NAAA: variants seen among roughly 807,000 people sequenced by gnomAD.
NAAA encodes the protein N-acylethanolamine acid amidase, also known as N-acylethanolamine-hydrolyzing acid amidase.
NAAA carries 39 observed loss-of-function variants against 44.8 expected under a neutral mutation model. That is an observed-to-expected ratio of 0.87 (90% CI 0.67 to 1.14). NAAA has a LOEUF of 1.14. Ranked by LOEUF, NAAA falls within the 50% of genes most tolerant of loss-of-function variation. The pLI, the probability that NAAA is intolerant of heterozygous loss-of-function variation, is 0.00. For synonymous variants in NAAA, 178 were observed against 191.3 expected (o/e 0.93, Z 0.58); for missense variants, 460 against 467.8 (o/e 0.98, Z 0.15).
chr4:75,918,909 G>C lies in NAAA; in HGVS notation c.970-120C>G. 1.0e-5 allele frequency: 9 copies of C among 864,490 alleles called. No homozygotes were observed. In the South Asian group the frequency reaches 1.2e-4, roughly 11 times the overall value. 53.6% of individuals were successfully genotyped at this position (864,490 alleles called of 1,614,324 possible). A position where few individuals can be genotyped will look rare whatever the true frequency, so the allele number is the denominator to read the frequency against. The stretch of plus-strand genomic sequence containing the variant: ...TGTAATCCCAGCACTTTGGGAAGCC[G>C]ACGTGGGAGGATTACTCAAGCCCAG... On this transcript the variant is annotated intron_variant, in intron 8 of 10. Transcript: ENST00000286733.
chr4:75,918,873 T>A (rs1411892228), intron 8 of NAAA, 84 bp from the exon 9 acceptor site: 2 of 1,333,496 alleles, frequency 1.5e-6, no homozygotes, highest in Non-Finnish European at 2.1e-6. Context: ...CCGGGTGCAG[T>A]GGCTCAGGCC....
In NAAA at chr4:75,940,777, T is replaced by G; in HGVS notation, c.173A>C (p.Asp58Ala). 6.3e-7 allele frequency: 1 copy of G among 1,598,584 alleles called. No homozygotes were observed. The highest frequency in any genetic ancestry group is 8.5e-7 in the Non-Finnish European group (1 of 1,178,710). ...WLPVLRHYDL[D>A]LVRAAMAQVI... ...TTGCGCCATCGCGGCGCGCACCAAG[T>G]CCAAGTCGTAGTGCCGCAGCACGGG... The change falls in exon 1 of 11, where the codon GAC becomes GCC. Residue 58 changes from aspartate (D) to alanine (A), a missense_variant. Asp to Ala is a moderately radical substitution (Grantham distance 126). Coordinates refer to ENST00000286733, the MANE Select transcript of NAAA (RefSeq NM_014435.4).
In NAAA at chr4:75,931,251, C is replaced by A; in HGVS notation, c.552G>T (p.Gln184His). 1 of 1,613,106 alleles carries A rather than the reference C, an allele frequency of 6.2e-7. No homozygotes were observed. The highest frequency in any genetic ancestry group is 8.5e-7 in the Non-Finnish European group (1 of 1,179,188). ...CAGAAACTGTAAACTTGTGTGGGCT[C>A]TGGCCAGTCCATAATCCTACATAGC... ...FIGYVGLWTG[Q>H]SPHKFTVSGD... Residue 184 changes from glutamine to histidine, a missense_variant, in exon 4 of 11, where the codon CAG becomes CAT. Gln to His is a conservative substitution (Grantham distance 24). Coordinates refer to ENST00000286733, the MANE Select transcript of NAAA (RefSeq NM_014435.4).
intron 3 of NAAA, 98 bp downstream of exon 3, chr4:75,936,011 C>A: frequency 6.9e-7 from 1 of 1,441,124 alleles, no homozygotes; most frequent in Non-Finnish European, 9.6e-7. Flanking sequence ...TTGTGTCTTA[C>A]ACTGATAACA....
At chr4:75,913,377 C>T (rs566803531), downstream of NAAA, among the ~76,000 whole-genome samples, 4 of 151,986 alleles carry the variant, frequency 2.6e-5, no homozygotes, top group Non-Finnish European at 4.4e-5. Flanking sequence ...ACTGGTGTTT[C>T]TTTTTCCCGG....
intron 4 of NAAA, among the ~76,000 whole-genome samples, chr4:75,926,854 A>G (rs1291195713): frequency 6.6e-6 from 1 of 151,990 alleles, no homozygotes; most frequent in Non-Finnish European, 1.5e-5. Context: ...AAAATTTAAA[A>G]ACTACCAGGC....
At chr4:75,915,116 C>G (rs1560496710) in intron 9 of NAAA, 131 bp from the exon 10 acceptor site, 8 of 680,800 alleles carry the variant, frequency 1.2e-5, no homozygotes, top group Non-Finnish European at 2.5e-6. Flanking sequence ...TATTTTAAAT[C>G]TATGAATCAA....
intron 4 of NAAA, among the ~76,000 whole-genome samples, chr4:75,927,633 G>GCCCCCCC (rs60371960): frequency 1.0e-5 from 1 of 95,774 alleles, no homozygotes; most frequent in Non-Finnish European, 1.9e-5. Flanking sequence ...AATTTTTAAT[G>GCCCCCCC]CCCCCCCCCC....
intron 2 of NAAA, among the ~76,000 whole-genome samples, chr4:75,937,524 CACCCAGGCTGG>C (rs1727843575): frequency 6.6e-6 from 1 of 152,184 alleles, no homozygotes; most frequent in Non-Finnish European, 1.5e-5. Context: ...GAGTCTCTGT[CACCCAGGCTGG>C]AGTGCAGTGG....
chr4:75,940,345 A>C (rs1464659274), intron 1 of NAAA, 180 bp from the exon 2 acceptor site: 147 of 271,210 alleles, frequency 5.4e-4, no homozygotes, highest in East Asian at 1.3e-3. Flanking sequence ...AGTGGGGGGA[A>C]GGGGGCGGGG....
chr4:75,929,859 G>T (rs925115069), intron 4 of NAAA, among the ~76,000 whole-genome samples: 2 of 152,162 alleles, frequency 1.3e-5, no homozygotes, highest in Non-Finnish European at 2.9e-5. Flanking sequence ...GGAGGCCGAG[G>T]TGGGTGGATC....
intron 4 of NAAA, among the ~76,000 whole-genome samples, chr4:75,927,280 C>G (rs1429162848): frequency 2.0e-5 from 3 of 149,946 alleles, no homozygotes; most frequent in Non-Finnish European, 4.5e-5. Context: ...ATGGCAAAAC[C>G]CTACCTCTAC....
intron 3 of NAAA, among the ~76,000 whole-genome samples, chr4:75,934,016 C>T (rs111823959): frequency 0.2 from 30,634 of 149,964 alleles, 3,562 homozygotes; most frequent in East Asian, 0.33. Context: ...GGTGATAGAG[C>T]GAGACTCTGT....
Position 75,936,096 on chromosome 4 carries a change from G to C in NAAA, c.498+13C>G. 1.9e-6 allele frequency: 3 copies of C among 1,613,484 alleles called. No individual in the cohort carries two copies. Among genetic ancestry groups the C allele is most frequent in the Middle Eastern group, 1.6e-4 (1 of 6,062 alleles). On this transcript the variant is annotated intron_variant, in intron 3 of 10. Transcript: ENST00000286733. ...TCTTTCTGATTTTTTATCTTATATGGTACGGATTATACCTGCCCATTCTTT... is the reference window on the plus strand; with the variant it reads ...TCTTTCTGATTTTTTATCTTATATGCTACGGATTATACCTGCCCATTCTTT...
intron 9 of NAAA, chr4:75,917,088 C>T: frequency 2.1e-6 from 2 of 956,418 alleles, no homozygotes; most frequent in Non-Finnish European, 2.5e-6. Flanking sequence ...CAGATATATT[C>T]ATCACTTCTA....
intron 7 of NAAA, among the ~76,000 whole-genome samples, chr4:75,920,498 T>C (rs535106981): frequency 6.6e-6 from 1 of 152,228 alleles, no homozygotes; most frequent in Non-Finnish European, 1.5e-5. Flanking sequence ...GAGCTGGTGG[T>C]GGGCTCTAGG....
chr4:75,937,642 C>T (rs1010017913), intron 2 of NAAA, among the ~76,000 whole-genome samples: 4 of 152,172 alleles, frequency 2.6e-5, no homozygotes, highest in African/African-American at 9.7e-5. Context: ...CAAGCCTCCA[C>T]ATCCGGCTAA....
intron 9 of NAAA, chr4:75,917,010 C>T: frequency 1.8e-6 from 1 of 559,362 alleles, no homozygotes; most frequent in Non-Finnish European, 2.3e-6. Flanking sequence ...GAACTCCTGA[C>T]CTCAAGTGAT....
intron 5 of NAAA, among the ~76,000 whole-genome samples, chr4:75,922,377 C>CAA (rs34680013): frequency 9.9e-4 from 104 of 105,396 alleles, no homozygotes; most frequent in African/African-American, 3.4e-3. Flanking sequence ...GACCCTGTCT[C>CAA]AAAAAAAAAA....
Sources: gnomAD v4.1 joint callset for allele counts (sites outside exome capture counted in the v4.1 genomes callset) on GRCh38, gnomAD v4.1.1 for gene constraint, MANE v1.5 for transcripts, NCBI Gene and HGNC (gene_info 2026-07-23, HGNC 2026-07-21) for gene names.